The following GLB1 variants were observed in gnomAD, a reference collection of about 807,000 sequenced individuals.
GLB1 encodes the protein beta-galactosidase.
A neutral mutation model predicts 74.0 loss-of-function variants in GLB1; 56 were observed. The ratio of observed to expected loss-of-function variants is 0.76; its 90% CI spans 0.61 to 0.94. The LOEUF (loss-of-function observed/expected upper bound fraction) is 0.94. GLB1 is among the 40% of genes least tolerant of loss of function. The pLI, the probability that GLB1 is intolerant of heterozygous loss-of-function variation, is 0.00. For missense variants in GLB1, 787 were observed against 845.5 expected (o/e 0.93, Z 0.86); for synonymous variants, 323 against 323.6 (o/e 1.00, Z 0.02).
At chr3:33,015,107 G>A (rs1697187527) in intron 14 of GLB1, among the ~76,000 whole-genome samples, 1 of 152,216 alleles carries the variant, frequency 6.6e-6, no homozygotes. Flanking sequence ...AGTAAGCCGA[G>A]ATTGTGCCAC....
At chr3:33,051,267 T>C (rs574409173) in intron 9 of GLB1, among the ~76,000 whole-genome samples, 1 of 141,876 alleles carries the variant, frequency 7.0e-6, no homozygotes, top group Non-Finnish European at 1.5e-5. Flanking sequence ...GTAAGAAATA[T>C]TATTTTTTAA....
intron 1 of GLB1, among the ~76,000 whole-genome samples, chr3:33,079,673 G>A (rs1373760764): frequency 6.6e-6 from 1 of 152,220 alleles, no homozygotes; most frequent in Non-Finnish European, 1.5e-5. Context: ...ATGATCAAAT[G>A]TTACGCAGCT....
chr3:32,988,177 C>T, the GLB1 span, among the ~76,000 whole-genome samples: 2 of 113,704 alleles, frequency 1.8e-5, no homozygotes, highest in East Asian at 2.7e-4. Context: ...CAGAGCAAGA[C>T]TCCATCTCAA....
the GLB1 span, among the ~76,000 whole-genome samples, chr3:32,978,429 GAGAGAAGC>G: frequency 6.6e-6 from 1 of 152,160 alleles, no homozygotes; most frequent in Admixed American, 6.5e-5. Flanking sequence ...GTTGAAGAGG[GAGAGAAGC>G]TCTTACATCG....
chr3:33,092,329 G>C, intron 1 of GLB1: 10 of 987,384 alleles, frequency 1.0e-5, no homozygotes, highest in Non-Finnish European at 1.2e-5. Flanking sequence ...CAGCCAGAGG[G>C]CCCTTCCATC....
intron 1 of GLB1, among the ~76,000 whole-genome samples, chr3:33,083,422 G>C (rs998087360): frequency 1.3e-5 from 2 of 149,538 alleles, no homozygotes; most frequent in Non-Finnish European, 3.0e-5. Flanking sequence ...AAAAAAGTGG[G>C]AATAGGAGGA....
intron 1 of GLB1, chr3:33,090,940 G>A (rs1456268553): frequency 1.0e-6 from 1 of 985,000 alleles, no homozygotes; most frequent in East Asian, 1.1e-4. Context: ...AAAAAAATAG[G>A]ACTTAATGAA....
the GLB1 span, among the ~76,000 whole-genome samples, chr3:32,974,420 C>T: frequency 0.79 from 120,571 of 152,134 alleles, 49,319 homozygotes; most frequent in East Asian, 1. Context: ...GATATATACC[C>T]ATATCCACAT....
chr3:32,997,053 G>T lies in GLB1; in HGVS notation c.2026C>A (p.His676Asn), dbSNP rs1415328095. Reference protein sequence around the residue: ...PQKNKDSWLDHV With the variant: ...PQKNKDSWLDNV ...GACACAGGCTTTCATCATCATACAT[G>T]GTCCAGCCATGAATCTTTGTTTTTT... The change falls in exon 16 of 16, where the codon CAT (histidine) becomes AAT (asparagine). Residue 676 changes from histidine to asparagine, a missense_variant. By Grantham distance (68) the His-to-Asn change is moderately conservative. Transcript: ENST00000307363. The T allele has an allele frequency of 6.2e-7, 1 of 1,614,122 alleles. No individual in the cohort carries two copies.
intron 15 of GLB1, among the ~76,000 whole-genome samples, chr3:33,013,496 T>C (rs1348655069): frequency 1.3e-5 from 2 of 152,040 alleles, no homozygotes; most frequent in Non-Finnish European, 2.9e-5. Flanking sequence ...TAAGGTGATC[T>C]AGGATGAAAA....
the GLB1 span, among the ~76,000 whole-genome samples, chr3:32,982,588 T>C: frequency 2.0e-5 from 3 of 152,188 alleles, no homozygotes; most frequent in Non-Finnish European, 4.4e-5. Context: ...TTCTTGTTTT[T>C]ACAAGTTGTA....
In GLB1 at chr3:33,016,747, C is replaced by G. The variant is rs773868843; in HGVS notation, c.1441G>C (p.Gly481Arg). ...ATLDLLVENM[G>R]RVNYGAYIND... ...ATATATGCACCATAGTTCACACGTC[C>G]CATGTTCTCTACCAGAAGGTCCAGA... The change falls in exon 14 of 16, where the codon GGA becomes CGA. Residue 481 changes from glycine (G) to arginine (R), a missense_variant. Transcript: ENST00000307363. 2 of 1,614,118 alleles carry G rather than the reference C, an allele frequency of 1.2e-6. No homozygotes were observed. Among genetic ancestry groups the G allele is most frequent in the Non-Finnish European group, 1.7e-6 (2 of 1,179,992 alleles).
rs1312626201 is a variant in GLB1 at position 33,014,310 on chromosome 3, C to A, written c.1480G>T (p.Gly494Cys). 1 of 1,613,612 alleles carries A rather than the reference C, an allele frequency of 6.2e-7. No individual in the cohort carries two copies. The highest frequency in any genetic ancestry group is 8.5e-7 in the Non-Finnish European group (1 of 1,179,846). The change falls in exon 15 of 16, where the codon GGT (glycine) becomes TGT (cysteine). Residue 494 changes from glycine to cysteine, a missense_variant and splice_region_variant. Gly to Cys is a radical substitution (Grantham distance 159). Transcript: ENST00000307363. ...NYGAYINDFK[G>C]LVSNLTLSSN... ...CTGAGAGTCAGGTTAGAAACCAAAC[C>A]CTGCAAAGCAGAAACAGAGCACAGT...
intron 12 of GLB1, 57 bp from the exon 13 acceptor site, chr3:33,018,618 TTGGTTACCCTAGACA>T: frequency 6.4e-7 from 1 of 1,569,546 alleles, no homozygotes; most frequent in South Asian, 1.1e-5. Context: ...TTTAGAGAAC[TTGGTTACCCTAGACA>T]TGTATGAAAG....
chr3:33,004,007 G>A (rs1477015183), intron 15 of GLB1, among the ~76,000 whole-genome samples: 1 of 151,914 alleles, frequency 6.6e-6, no homozygotes, highest in East Asian at 1.9e-4. Flanking sequence ...TCCAGCTTGG[G>A]CAACAGAGTG....
intron 4 of GLB1, among the ~76,000 whole-genome samples, chr3:33,067,007 T>C (rs908193762): frequency 4.7e-5 from 7 of 149,654 alleles, no homozygotes; most frequent in African/African-American, 1.7e-4. Context: ...TATTTCTTTT[T>C]TTTTTTTTTT....
chr3:33,040,246 C>CA (rs1401415699), intron 10 of GLB1, among the ~76,000 whole-genome samples: 13 of 151,988 alleles, frequency 8.6e-5, no homozygotes, highest in East Asian at 3.9e-4. Context: ...TTCTGTAGTA[C>CA]AAAAAAAATC....
chr3:33,057,220 G>A (rs1056271842), intron 6 of GLB1, among the ~76,000 whole-genome samples: 5 of 152,190 alleles, frequency 3.3e-5, no homozygotes, highest in Admixed American at 2.6e-4. Context: ...CATGTAAGAC[G>A]TGCCTGCTTT....
chr3:33,010,077 G>A (rs1696959022), intron 15 of GLB1, among the ~76,000 whole-genome samples: 1 of 152,136 alleles, frequency 6.6e-6, no homozygotes. Flanking sequence ...GTTTTTATGT[G>A]AACATGTTTT....
Sources: allele counts gnomAD v4.1 joint callset (sites outside exome capture counted in the v4.1 genomes callset), GRCh38; gene constraint gnomAD v4.1.1; transcripts MANE v1.5; gene names NCBI Gene and HGNC (gene_info 2026-07-23, HGNC 2026-07-21).